The following NECAB1 variants were observed in gnomAD, a reference collection of about 807,000 sequenced individuals.
NECAB1 encodes the protein N-terminal EF-hand calcium-binding protein 1.
A neutral mutation model predicts 57.5 loss-of-function variants in NECAB1; 29 were observed. That is an observed-to-expected ratio of 0.50 (90% CI 0.38 to 0.69). The LOEUF (loss-of-function observed/expected upper bound fraction) is 0.69. Among genes scored for constraint, NECAB1 ranks in the 30% least tolerant of loss-of-function variants. NECAB1 has a pLI of 0.00. For synonymous variants in NECAB1, 142 were observed against 147.7 expected, an observed-to-expected ratio of 0.96 and a Z score of 0.28; for missense variants, 372 against 413.8, an observed-to-expected ratio of 0.90 and a Z score of 0.88.
intron 5 of NECAB1, among the ~76,000 whole-genome samples, chr8:90,915,060 G>A (rs1195727709): frequency 6.6e-6 from 1 of 152,152 alleles, no homozygotes; most frequent in Non-Finnish European, 1.5e-5. Context: ...TTATTGCTCA[G>A]TAAATGTTTG....
chr8:90,825,985 A>G (rs1293916687), intron 3 of NECAB1, among the ~76,000 whole-genome samples: 1 of 151,850 alleles, frequency 6.6e-6, no homozygotes, highest in African/African-American at 2.4e-5. Flanking sequence ...GCTGTAATTG[A>G]GCTATGTACA....
intron 3 of NECAB1, among the ~76,000 whole-genome samples, chr8:90,843,578 T>A (rs137985749): frequency 9.9e-5 from 15 of 152,228 alleles, no homozygotes; most frequent in Non-Finnish European, 1.8e-4. Context: ...CTGACTATTA[T>A]ACGCTCATCC....
chr8:90,931,021 T>C (rs535596568), intron 8 of NECAB1, among the ~76,000 whole-genome samples: 2 of 152,342 alleles, frequency 1.3e-5, no homozygotes, highest in South Asian at 2.1e-4. Flanking sequence ...ACTTATGCCT[T>C]TTTTTCTAAC....
chr8:90,844,097 A>G (rs1457154979), intron 3 of NECAB1, among the ~76,000 whole-genome samples: 1 of 152,064 alleles, frequency 6.6e-6, no homozygotes, highest in African/African-American at 2.4e-5. Flanking sequence ...ATCCTACCAG[A>G]TGTTAGAAAT....
rs149874482 is a variant in NECAB1, at chr8:90,815,114, C to A, written c.125-9603C>A. On this transcript the variant is annotated intron_variant, in intron 2 of 12. Coordinates refer to ENST00000417640, the MANE Select transcript of NECAB1 (RefSeq NM_022351.5). ...CAATAGTGAGAAAACTGGCTCCTAG[C>A]CTCAGCCACCTATTTACATAATTGT... Among the ~76,000 whole-genome samples, 447 of 152,098 alleles carry A rather than the reference C, an allele frequency of 2.9e-3. 2 individuals carry two copies. Among genetic ancestry groups the A allele is most frequent in the African/African-American group, 1.0e-2 (414 of 41,528 alleles).
At chr8:90,904,444 G>A (rs1809584682) in intron 5 of NECAB1, among the ~76,000 whole-genome samples, 1 of 151,866 alleles carries the variant, frequency 6.6e-6, no homozygotes, top group Non-Finnish European at 1.5e-5. Flanking sequence ...AAAAAGATTT[G>A]CTAAACATTT....
At chr8:90,805,274 C>T (rs1811828702) in intron 2 of NECAB1, among the ~76,000 whole-genome samples, 1 of 152,196 alleles carries the variant, frequency 6.6e-6, no homozygotes, top group Non-Finnish European at 1.5e-5. Flanking sequence ...CTCTTGCTAA[C>T]AGACCCTCAT....
chr8:90,940,736 A>C, intron 9 of NECAB1, 50 bp from the exon 10 acceptor site: 1 of 1,418,508 alleles, frequency 7.0e-7, no homozygotes, highest in South Asian at 1.2e-5. Flanking sequence ...GTCAGCTTAA[A>C]TCGGGCTCCG....
At chr8:90,895,879 T>A (rs571264077) in intron 5 of NECAB1, among the ~76,000 whole-genome samples, 2 of 152,372 alleles carry the variant, frequency 1.3e-5, no homozygotes, top group African/African-American at 4.8e-5. Flanking sequence ...TGTAACTTTC[T>A]ACTCCCTTTT....
At chr8:90,936,805 ATT>A (rs112229787) in intron 9 of NECAB1, among the ~76,000 whole-genome samples, 3 of 146,128 alleles carry the variant, frequency 2.1e-5, no homozygotes, top group African/African-American at 7.5e-5. Context: ...TTTTAAGTCC[ATT>A]TTTTTTTTTC....
At chr8:90,846,178 C>T (rs181610445) in intron 3 of NECAB1, among the ~76,000 whole-genome samples, 22 of 152,298 alleles carry the variant, frequency 1.4e-4, no homozygotes, top group Non-Finnish European at 7.4e-5. Flanking sequence ...ATTACCTTTC[C>T]GAACCAAACT....
rs374828343 is a variant in NECAB1, at chr8:90,940,944, A to T, written c.860+46A>T. ...ACCTTAGGCCTTTGGCAGCCTGGGA[A>T]TACAGTGAAGGCATTTCTTACTTTA... On this transcript the variant is annotated intron_variant, in intron 10 of 12. Transcript: ENST00000417640. The T allele has an allele frequency of 1.8e-5, 25 of 1,389,154 alleles. No homozygotes were observed. In the African/African-American group the frequency reaches 2.3e-4, roughly 13 times the overall value. The allele number at this position is 1,389,154 out of a possible 1,614,324, so 86.1% of individuals were successfully genotyped here. A position where few individuals can be genotyped will look rare whatever the true frequency, so the allele number is the denominator to read the frequency against.
At chr8:90,827,426 A>G (rs559529318) in intron 3 of NECAB1, among the ~76,000 whole-genome samples, 2 of 151,984 alleles carry the variant, frequency 1.3e-5, no homozygotes, top group South Asian at 4.1e-4. Context: ...GCCTTTCCTT[A>G]TGTCTGGAGT....
intron 3 of NECAB1, among the ~76,000 whole-genome samples, chr8:90,841,293 T>C (rs571045836): frequency 1.3e-5 from 2 of 151,082 alleles, no homozygotes; most frequent in African/African-American, 4.8e-5. Flanking sequence ...GACCAAGTAG[T>C]TGAGGTAGTT....
At chr8:90,940,211 TA>T (rs1364370686) in intron 9 of NECAB1, 1 of 152,592 alleles carries the variant, frequency 6.6e-6, no homozygotes, top group African/African-American at 2.4e-5. Context: ...GGGCCTGTTG[TA>T]AGTAGTTAAT....
At chr8:90,893,433 C>T (rs767121532) in intron 5 of NECAB1, among the ~76,000 whole-genome samples, 4 of 152,100 alleles carry the variant, frequency 2.6e-5, no homozygotes, top group East Asian at 1.9e-4. Flanking sequence ...AGGGGAGCTG[C>T]GGATGTGATG....
chr8:90,872,410 G>C (rs1383279977), intron 4 of NECAB1: 3 of 341,586 alleles, frequency 8.8e-6, no homozygotes, highest in East Asian at 4.7e-5. Context: ...AGTTTCGCAA[G>C]AGCAAATTCT....
intron 5 of NECAB1, among the ~76,000 whole-genome samples, chr8:90,899,834 T>C (rs1809456617): frequency 6.6e-6 from 1 of 152,178 alleles, no homozygotes; most frequent in Admixed American, 6.5e-5. Flanking sequence ...CTAAACATAA[T>C]AGTTTGAAAC....
chr8:90,821,109 A>G (rs570401667), intron 2 of NECAB1, among the ~76,000 whole-genome samples: 3 of 151,926 alleles, frequency 2.0e-5, no homozygotes, highest in Admixed American at 2.0e-4. Flanking sequence ...ACTCCCAAGC[A>G]TACACCTCAA....
Sources: allele counts gnomAD v4.1 joint callset (sites outside exome capture counted in the v4.1 genomes callset), GRCh38; gene constraint gnomAD v4.1.1; transcripts MANE v1.5; gene names NCBI Gene and HGNC (gene_info 2026-07-23, HGNC 2026-07-21).